The following SSPN variants were observed in gnomAD, a reference collection of about 807,000 sequenced individuals.
SSPN encodes the protein sarcospan.
Under a neutral mutation model 19.1 loss-of-function variants are expected in SSPN, and 15 were observed. The observed-to-expected ratio is 0.78, with a 90% CI of 0.52 to 1.21. SSPN has a LOEUF of 1.21. Ranked by LOEUF, SSPN falls within the 50% of genes most tolerant of loss-of-function variation. SSPN has a pLI of 0.00. For synonymous variants in SSPN, 147 were observed against 140.3 expected (o/e 1.05, Z -0.34); for missense variants, 291 against 314.0 (o/e 0.93, Z 0.55).
In SSPN at chr12:26,232,405, C is replaced by T; in HGVS notation, c.*1329C>T. On this transcript the variant is annotated 3_prime_UTR_variant, in exon 3 of 3. Transcript: ENST00000242729. ...TTGCTATTAAATTCTGAACTGTATC[C>T]ATATTTTAAGGAAGGAGCTAAAAAT... The T allele has an allele frequency of 1.0e-6, 1 of 985,310 alleles. No individual in the cohort carries two copies. Among genetic ancestry groups the T allele is most frequent in the Non-Finnish European group, 1.2e-6 (1 of 829,906 alleles). The allele number at this position is 985,310 out of a possible 1,614,324, so 61.0% of individuals were successfully genotyped here.
intron 1 of SSPN, among the ~76,000 whole-genome samples, chr12:26,161,093 G>A (rs971551663): frequency 8.2e-6 from 1 of 121,930 alleles, no homozygotes; most frequent in Non-Finnish European, 1.6e-5. Context: ...GGGTGACAGA[G>A]AAAGACTCTG....
chr12:26,224,866 G>A (rs1945161269), intron 2 of SSPN, among the ~76,000 whole-genome samples: 1 of 151,960 alleles, frequency 6.6e-6, no homozygotes, highest in African/African-American at 2.4e-5. Context: ...GGATATGCGT[G>A]GTTTGGCAAG....
intron 1 of SSPN, among the ~76,000 whole-genome samples, chr12:26,182,587 CCCTTCCCTTCCCTTCCCTTCCCTT>C (rs1164993310): frequency 0.11 from 3,293 of 28,896 alleles, 78 homozygotes; most frequent in Middle Eastern, 0.17. Flanking sequence ...CCTTCCCCTT[CCCTTCCCTTCCCTTCCCTTCCCTT>C]CCCTTCCCTT....
intron 1 of SSPN, chr12:26,124,790 T>G: frequency 6.2e-7 from 1 of 1,614,188 alleles, no homozygotes; most frequent in Non-Finnish European, 8.5e-7. Context: ...GTTCAACTGC[T>G]GTTCGTTTCC....
intron 1 of SSPN, among the ~76,000 whole-genome samples, chr12:26,141,852 T>C (rs903227113): frequency 5.3e-5 from 8 of 152,138 alleles, no homozygotes; most frequent in African/African-American, 1.7e-4. Flanking sequence ...GCACAGTCTA[T>C]GGGAGAGAAG....
intron 1 of SSPN, among the ~76,000 whole-genome samples, chr12:26,146,682 G>A (rs1409904781): frequency 6.6e-6 from 1 of 152,056 alleles, no homozygotes; most frequent in Non-Finnish European, 1.5e-5. Context: ...AATTAGCCAG[G>A]TGTGGTGGCA....
At position 26,195,642 on chromosome 12, in the gene SSPN, C is replaced by CGG; in HGVS notation, c.-31_-30insGG. On this transcript the variant is annotated 5_prime_UTR_variant, in exon 1 of 3. Coordinates refer to ENST00000242729, the MANE Select transcript of SSPN (RefSeq NM_005086.5). ...TCCAGGGCCCAGGGCGCCGCACACG[C>CGG]ACCCACCCACCCACCCAGCCTCGCA... is the stretch of plus-strand genomic sequence containing the variant. The CGG allele has an allele frequency of 1.1e-5, 10 of 907,516 alleles. No homozygotes were observed. Among genetic ancestry groups the CGG allele is most frequent in the East Asian group, 4.5e-5 (1 of 22,208 alleles). 56.2% of individuals were successfully genotyped at this position (907,516 alleles called of 1,614,324 possible). A position where few individuals can be genotyped will look rare whatever the true frequency, so the allele number is the denominator to read the frequency against.
chr12:26,198,397 A>G (rs1025576562), intron 1 of SSPN, among the ~76,000 whole-genome samples: 3 of 152,216 alleles, frequency 2.0e-5, no homozygotes, highest in Non-Finnish European at 4.4e-5. Flanking sequence ...TAACTTCTCT[A>G]GGTTTCCATT....
chr12:26,142,232 CA>C (rs1366012112), intron 1 of SSPN, among the ~76,000 whole-genome samples: 1 of 152,088 alleles, frequency 6.6e-6, no homozygotes, highest in African/African-American at 2.4e-5. Flanking sequence ...GCCAGTTTTG[CA>C]TCGTAGAAAA....
upstream of SSPN, among the ~76,000 whole-genome samples, chr12:26,194,360 C>T (rs1418944237): frequency 6.6e-6 from 1 of 152,178 alleles, no homozygotes; most frequent in Admixed American, 6.5e-5. Flanking sequence ...CTAAGATGGT[C>T]AATCCAATCC....
chr12:26,220,067 G>A (rs7955569), intron 1 of SSPN, among the ~76,000 whole-genome samples: 13,618 of 151,994 alleles, frequency 0.09, 1,249 homozygotes, highest in African/African-American at 0.23. Flanking sequence ...GCACGTCCAC[G>A]TCCTGCCAAC....
intron 1 of SSPN, among the ~76,000 whole-genome samples, chr12:26,199,235 T>A (rs1267239013): frequency 6.6e-6 from 1 of 152,202 alleles, no homozygotes; most frequent in Non-Finnish European, 1.5e-5. Context: ...AAGAGGCCCT[T>A]GGTGATCTAT....
intron 2 of SSPN, among the ~76,000 whole-genome samples, chr12:26,229,381 CACAT>C (rs1945207973): frequency 6.6e-6 from 1 of 152,196 alleles, no homozygotes; most frequent in Admixed American, 6.5e-5. Flanking sequence ...CCCACACCCA[CACAT>C]ACATGCACAC....
intron 1 of SSPN, among the ~76,000 whole-genome samples, chr12:26,175,236 TATTCCC>T (rs1409616278): frequency 6.6e-6 from 1 of 152,258 alleles, no homozygotes; most frequent in East Asian, 1.9e-4. Context: ...CAATTTTAGC[TATTCCC>T]ATACCTATGA....
At chr12:26,137,636 G>GTATGTGTATA (rs1555175654) in intron 1 of SSPN, among the ~76,000 whole-genome samples, 21 of 31,380 alleles carry the variant, frequency 6.7e-4, no homozygotes, top group South Asian at 4.6e-3. Context: ...GTGTGTGTAT[G>GTATGTGTATA]TATATATATA....
At chr12:26,162,879 A>G (rs1269490143) in intron 1 of SSPN, among the ~76,000 whole-genome samples, 1 of 152,212 alleles carries the variant, frequency 6.6e-6, no homozygotes, top group Non-Finnish European at 1.5e-5. Flanking sequence ...ATAAGTTAAT[A>G]TGTTGCCTGA....
At chr12:26,223,586 C>G (rs1310527107) in intron 1 of SSPN, among the ~76,000 whole-genome samples, 1 of 152,222 alleles carries the variant, frequency 6.6e-6, no homozygotes, top group African/African-American at 2.4e-5. Context: ...TTCCTCTGTG[C>G]TATTGCTTAT....
intron 1 of SSPN, among the ~76,000 whole-genome samples, chr12:26,178,787 A>C (rs1389622248): frequency 2.0e-5 from 3 of 152,250 alleles, no homozygotes; most frequent in Non-Finnish European, 4.4e-5. Context: ...CAGCAAGAGC[A>C]GCTGGTCTAG....
intron 1 of SSPN, among the ~76,000 whole-genome samples, chr12:26,167,987 G>C (rs922644094): frequency 1.3e-5 from 2 of 152,156 alleles, no homozygotes; most frequent in African/African-American, 4.8e-5. Flanking sequence ...GCTGAGGTGG[G>C]AGGACAGCTT....
Sources: allele counts gnomAD v4.1 joint callset (sites outside exome capture counted in the v4.1 genomes callset), GRCh38; gene constraint gnomAD v4.1.1; transcripts MANE v1.5; gene names NCBI Gene and HGNC (gene_info 2026-07-23, HGNC 2026-07-21).